WARS1: variants seen among roughly 807,000 people sequenced by gnomAD.
WARS1 encodes tryptophan--tRNA ligase, cytoplasmic.
In WARS1, 17 loss-of-function variants were observed where a neutral mutation model predicts 47.8. That is an observed-to-expected ratio of 0.36 (90% CI 0.24 to 0.53). The LOEUF (loss-of-function observed/expected upper bound fraction) is 0.53, where lower values mean the gene tolerates loss of function less well. Ranked by LOEUF, WARS1 falls within the 20% of genes least tolerant of loss-of-function variation. WARS1 has a pLI of 0.91. For synonymous variants in WARS1, 208 were observed against 228.1 expected (o/e 0.91, Z 0.79); for missense variants, 434 against 608.0 (o/e 0.71, Z 3.01).
At chr14:100,350,261 G>A (rs547487711) in intron 6 of WARS1, among the ~76,000 whole-genome samples, 56 of 152,034 alleles carry the variant, frequency 3.7e-4, no homozygotes, top group African/African-American at 1.4e-3. Flanking sequence ...GTGTGGTGGC[G>A]GGCGCCTGTA....
intron 2 of WARS1, 119 bp downstream of exon 2, chr14:100,368,961 CAAAAAAT>C: frequency 3.3e-6 from 2 of 603,216 alleles, no homozygotes; most frequent in Non-Finnish European, 4.8e-6. Flanking sequence ...AATTCCCTCT[CAAAAAAT>C]AAAAAATTAT....
chr14:100,356,393 GT>G (rs1186965569), intron 4 of WARS1, among the ~76,000 whole-genome samples: 7 of 93,516 alleles, frequency 7.5e-5, no homozygotes, highest in African/African-American at 9.6e-5. Flanking sequence ...GTGTGTGTGT[GT>G]GTGTGGGGGG....
intron 1 of WARS1, among the ~76,000 whole-genome samples, chr14:100,371,447 C>CA (rs60977618): frequency 0.018 from 1,615 of 89,034 alleles, 95 homozygotes; most frequent in African/African-American, 0.029. Context: ...GGTTCTGTCT[C>CA]AAAAAAAAAA....
At chr14:100,365,981 G>A in intron 2 of WARS1, 1 of 455,748 alleles carries the variant, frequency 2.2e-6, no homozygotes, top group South Asian at 1.5e-5. Context: ...AGCGGGTTAT[G>A]AAAACAGGAG....
intron 5 of WARS1, 115 bp from the exon 6 acceptor site, chr14:100,353,984 C>G: frequency 1.1e-6 from 1 of 897,346 alleles, no homozygotes; most frequent in Non-Finnish European, 1.7e-6. Flanking sequence ...TCCTTGCCTA[C>G]AAAATCACAA....
intron 4 of WARS1, among the ~76,000 whole-genome samples, chr14:100,359,019 C>CA (rs1324228736): frequency 6.6e-6 from 1 of 152,112 alleles, no homozygotes; most frequent in African/African-American, 2.4e-5. Flanking sequence ...TGGAAAATAA[C>CA]AAGAGTGGGT....
intron 2 of WARS1, among the ~76,000 whole-genome samples, chr14:100,364,341 C>T (rs372462305): frequency 6.6e-6 from 1 of 152,130 alleles, no homozygotes. Flanking sequence ...CTTTAATGAG[C>T]TGCTGCTACT....
At chr14:100,343,752 C>G (rs1035796629) in intron 7 of WARS1, among the ~76,000 whole-genome samples, 2 of 152,054 alleles carry the variant, frequency 1.3e-5, no homozygotes, top group Admixed American at 6.6e-5. Context: ...ATTCTCCTGC[C>G]TCAGGCTCCC....
intron 2 of WARS1, among the ~76,000 whole-genome samples, chr14:100,364,364 T>A (rs1895830278): frequency 6.6e-6 from 1 of 152,144 alleles, no homozygotes; most frequent in African/African-American, 2.4e-5. Flanking sequence ...AGGATGTGGA[T>A]CTTATTCTTT....
chr14:100,350,818 G>T (rs1426242950), intron 6 of WARS1, among the ~76,000 whole-genome samples: 1 of 152,220 alleles, frequency 6.6e-6, no homozygotes, highest in East Asian at 1.9e-4. Flanking sequence ...GGCCCAGCCT[G>T]ATGGAGGACC....
intron 4 of WARS1, among the ~76,000 whole-genome samples, chr14:100,357,771 T>C (rs892811253): frequency 6.6e-6 from 1 of 152,192 alleles, no homozygotes; most frequent in Admixed American, 6.5e-5. Flanking sequence ...ATCAGTTGTA[T>C]TTCTATATAG....
chr14:100,353,412 A>G (rs1479744988), intron 6 of WARS1, among the ~76,000 whole-genome samples: 3 of 130,346 alleles, frequency 2.3e-5, no homozygotes, highest in Admixed American at 1.7e-4. Flanking sequence ...CACCACACCC[A>G]ACTAATTTTT....
intron 1 of WARS1, chr14:100,370,233 T>A (rs1025430235): frequency 9.9e-5 from 15 of 152,212 alleles, no homozygotes; most frequent in African/African-American, 3.6e-4. Flanking sequence ...TGATTCATTA[T>A]AACCCTTGCA....
intron 2 of WARS1, among the ~76,000 whole-genome samples, 193 bp downstream of exon 2, chr14:100,368,892 CAG>C (rs1364001851): frequency 5.9e-5 from 9 of 152,172 alleles, no homozygotes; most frequent in Non-Finnish European, 8.8e-5. Flanking sequence ...ACCCGGGAGG[CAG>C]AGGTTGCAGC....
chr14:100,354,151 C>T, intron 5 of WARS1: 1 of 505,934 alleles, frequency 2.0e-6, no homozygotes, highest in Non-Finnish European at 3.5e-6. Context: ...TCTCATCTTG[C>T]AGATGTGGAA....
At chr14:100,375,496 G>A (rs796302630), upstream of WARS1, 2 of 152,376 alleles carry the variant, frequency 1.3e-5, no homozygotes, top group African/African-American at 4.8e-5. Flanking sequence ...AGAAACACTT[G>A]AGCTCTTGAC....
At chr14:100,366,657 A>G (rs1215397153) in intron 2 of WARS1, 12 of 771,948 alleles carry the variant, frequency 1.6e-5, no homozygotes, top group African/African-American at 6.8e-5. Flanking sequence ...GAGCATGGAC[A>G]TCGTAAAATG....
rs763195088 is a variant in WARS1 at position 100,335,026 on chromosome 14, C to G, written c.1265G>C (p.Ser422Thr). ...KLEQIRKDYT[S>T]GAMLTGELKK... ...GAGCTCACCGGTGAGCATGGCTCCG[C>G]TGGTGTAATCCTGCCCGGAGGGAGA... Residue 422 changes from serine to threonine, a missense_variant, in exon 11 of 11, where the codon AGC (serine) becomes ACC (threonine). Ser to Thr is a moderately conservative substitution (Grantham distance 58, BLOSUM62 1). This residue lies in a region of WARS1 where 347 missense variants were observed against 523.8 expected (regional missense o/e 0.66). Transcript: ENST00000392882. 1.2e-6 allele frequency: 2 copies of G among 1,613,820 alleles called. No individual in the cohort carries two copies. The highest frequency in any genetic ancestry group is 1.7e-6 in the Non-Finnish European group (2 of 1,179,922).
In WARS1 at chr14:100,337,189, G is replaced by A. The variant is rs760155915; in HGVS notation, c.1127C>T (p.Ala376Val). The A allele has an allele frequency of 9.3e-6, 15 of 1,614,056 alleles. No individual in the cohort carries two copies. Among genetic ancestry groups the A allele is most frequent in the East Asian group, 6.7e-5 (3 of 44,882 alleles). Residue 376 changes from alanine to valine, a missense_variant, in exon 10 of 11, where the codon GCG becomes GTG. By Grantham distance (64) the Ala-to-Val change is moderately conservative (BLOSUM62 0). Coordinates refer to ENST00000392882, the MANE Select transcript of WARS1 (RefSeq NM_004184.4). ...GATGGTGTCTCTCCCTCCAGAAAAC[G>A]CATGCTTATTGACCTGCACCAGAAG... ...KQIKTKVNKH[A>V]FSGGRDTIEE...
Sources: allele counts gnomAD v4.1 joint callset (sites outside exome capture counted in the v4.1 genomes callset), GRCh38; gene constraint gnomAD v4.1.1; regional missense constraint gnomAD v4.1.1; transcripts MANE v1.5; gene names NCBI Gene and HGNC (gene_info 2026-07-23, HGNC 2026-07-21).